Variants in TMEM202 observed in about 807,000 individuals in gnomAD.
TMEM202 encodes the protein transmembrane protein 202.
Under a neutral mutation model 26.1 loss-of-function variants are expected in TMEM202, and 25 were observed. The observed-to-expected ratio is 0.96, with a 90% confidence interval of 0.70 to 1.34. The LOEUF (loss-of-function observed/expected upper bound fraction) is 1.34, where lower values mean the gene tolerates loss of function less well. Ranked by LOEUF, TMEM202 falls within the 40% of genes most tolerant of loss-of-function variation. TMEM202 has a pLI of 0.00. For missense variants in TMEM202, 301 were observed against 327.7 expected, an observed-to-expected ratio of 0.92 and a Z score of 0.63; for synonymous variants, 122 against 119.0, an observed-to-expected ratio of 1.02 and a Z score of -0.16.
intron 4 of TMEM202, 60 bp from the exon 5 acceptor site, chr15:72,407,631 T>C: frequency 6.5e-7 from 1 of 1,527,440 alleles, no homozygotes; most frequent in Non-Finnish European, 9.1e-7. Context: ...GCATAAGAAT[T>C]TTAAAAGCCA....
chr15:72,402,913 AC>A (rs1415962838), intron 2 of TMEM202, among the ~76,000 whole-genome samples: 1 of 151,954 alleles, frequency 6.6e-6, no homozygotes, highest in Non-Finnish European at 1.5e-5. Context: ...CCATTCCAAA[AC>A]CACCCACTTG....
At chr15:72,407,549 G>A (rs1443234254) in intron 4 of TMEM202, 142 bp from the exon 5 acceptor site, 3 of 717,056 alleles carry the variant, frequency 4.2e-6, no homozygotes, top group Non-Finnish European at 7.0e-6. Context: ...GAGCACAGGA[G>A]GGTAAAGTAA....
At position 72,407,872 on chromosome 15, in the gene TMEM202, A is replaced by T; in HGVS notation, c.801A>T (p.Pro267=). 1 of 1,613,798 alleles carries T rather than the reference A, an allele frequency of 6.2e-7. No individual in the cohort carries two copies. Reference sequence around the variant, plus strand: ...TAAGTGTGAGAGAGAAAAATTTACCAAAGTCAGGACTGTGGTGGTGATAGG... The same window carrying T: ...TAAGTGTGAGAGAGAAAAATTTACCTAAGTCAGGACTGTGGTGGTGATAGG... ...ESLSVREKNL[P]KSGLWW is the part of the protein sequence containing the mutation. Residue 267 remains proline, a synonymous_variant, in exon 5 of 5, where the codon CCA becomes CCT. Transcript: ENST00000341689.
intron 2 of TMEM202, among the ~76,000 whole-genome samples, chr15:72,405,525 G>A (rs149663895): frequency 2.0e-5 from 3 of 152,280 alleles, no homozygotes; most frequent in Middle Eastern, 3.4e-3. Flanking sequence ...GACACCTAGA[G>A]CCAAAGATGG....
chr15:72,406,995 A>G (rs917793269), intron 3 of TMEM202, 91 bp from the exon 4 acceptor site: 36 of 1,511,494 alleles, frequency 2.4e-5, no homozygotes, highest in Non-Finnish European at 3.1e-5. Context: ...CTCGCTATAC[A>G]TATGGCCTCT....
chr15:72,406,552 A>C (rs771195769), intron 2 of TMEM202, 50 bp from the exon 3 acceptor site: 1 of 1,532,076 alleles, frequency 6.5e-7, no homozygotes, highest in Non-Finnish European at 8.9e-7. Flanking sequence ...TTTTAAGGGA[A>C]GGTCCCTCAC....
In TMEM202 at chr15:72,398,703, G is replaced by A. The variant is rs1451341002; in HGVS notation, c.132G>A (p.Arg44=). ...CAAGTGCCTCGATGTCATGCCAAAGGCAGCAGCAGCTTATGGATCAGGCAC... is the reference window on the plus strand; with the variant it reads ...CAAGTGCCTCGATGTCATGCCAAAGACAGCAGCAGCTTATGGATCAGGCAC... ...KHPSASMSCQ[R]QQQLMDQAHI... is the part of the protein sequence containing the mutation. The change falls in exon 2 of 5, where the codon AGG becomes AGA. Residue 44 remains arginine (R), a synonymous_variant. Coordinates refer to ENST00000341689, the MANE Select transcript of TMEM202 (RefSeq NM_001080462.3). The A allele has an allele frequency of 6.2e-7, 1 of 1,614,148 alleles. No homozygotes were observed. Among genetic ancestry groups the A allele is most frequent in the African/African-American group, 1.3e-5 (1 of 75,036 alleles).
chr15:72,406,948 C>T (rs2063574770), intron 3 of TMEM202, 138 bp from the exon 4 acceptor site: 2 of 1,277,658 alleles, frequency 1.6e-6, no homozygotes, highest in Admixed American at 2.4e-5. Context: ...GCCTTTCTCT[C>T]ATCTTGGTCA....
intron 2 of TMEM202, among the ~76,000 whole-genome samples, chr15:72,400,954 G>C (rs1298402304): frequency 1.3e-5 from 2 of 152,150 alleles, no homozygotes; most frequent in Non-Finnish European, 2.9e-5. Flanking sequence ...GACCATATAG[G>C]GTAAATTCCT....
In TMEM202 at chr15:72,408,128, A is replaced by G. The variant is rs2063582486; in HGVS notation, c.*235A>G. 2.1e-6 allele frequency: 1 copy of G among 468,334 alleles called. No individual in the cohort carries two copies. The highest frequency in any genetic ancestry group is 3.8e-6 in the Non-Finnish European group (1 of 260,844). 29.0% of individuals were successfully genotyped at this position (468,334 alleles called of 1,614,324 possible). On this transcript the variant is annotated 3_prime_UTR_variant, in exon 5 of 5. Transcript: ENST00000341689. ...AAAGAAAACAACAATGTTTAGAGTC[A>G]TGAATGAAAGAAACTAGTGAAAGAT...
At position 72,400,975 on chromosome 15, in the gene TMEM202, T is replaced by C. The variant is rs551069244; in HGVS notation, c.337+2067T>C. Among the ~76,000 whole-genome samples, 9 of 152,334 alleles carry C rather than the reference T, an allele frequency of 5.9e-5. No individual in the cohort carries two copies. The South Asian group carries it at 1.9e-3, about 32-fold the overall frequency. On this transcript the variant is annotated intron_variant, in intron 2 of 4. Coordinates refer to ENST00000341689, the MANE Select transcript of TMEM202 (RefSeq NM_001080462.3). Reference sequence around the variant, plus strand: ...ATAGGGTAAATTCCTGACATTGCCATGGCATTTGTTAACTGTCATGGCACT... The same window carrying C: ...ATAGGGTAAATTCCTGACATTGCCACGGCATTTGTTAACTGTCATGGCACT...
chr15:72,407,917 T>A lies in TMEM202; in HGVS notation c.*24T>A, dbSNP rs758119291. The stretch of plus-strand genomic sequence containing the variant: ...GATAGGAAAACCTAACTATAGCTTG[T>A]CTTAAAAGCAGGGGAGAAGCTGAGT... On this transcript the variant is annotated 3_prime_UTR_variant, in exon 5 of 5. Coordinates refer to ENST00000341689, the MANE Select transcript of TMEM202 (RefSeq NM_001080462.3). 1.3e-6 allele frequency: 2 copies of A among 1,599,854 alleles called. No homozygotes were observed. Among genetic ancestry groups the A allele is most frequent in the Admixed American group, 3.4e-5 (2 of 59,696 alleles).
Position 72,407,891 on chromosome 15 carries a change from T to C in TMEM202, c.820T>C (p.Ter274ArgextTer1). 2 of 1,612,412 alleles carry C rather than the reference T, an allele frequency of 1.2e-6. No individual in the cohort carries two copies. The highest frequency in any genetic ancestry group is 1.7e-6 in the Non-Finnish European group (2 of 1,179,326). ...KNLPKSGLWW* is the reference protein window; with the variant it reads ...KNLPKSGLWWR Reference sequence around the variant, plus strand: ...TTTACCAAAGTCAGGACTGTGGTGGTGATAGGAAAACCTAACTATAGCTTG... The same window carrying C: ...TTTACCAAAGTCAGGACTGTGGTGGCGATAGGAAAACCTAACTATAGCTTG... The change falls in exon 5 of 5, where the codon TGA (stop) becomes CGA (arginine). Residue 274 changes from the stop codon to arginine (R), a stop_lost. Coordinates refer to ENST00000341689, the MANE Select transcript of TMEM202 (RefSeq NM_001080462.3).
Position 72,408,166 on chromosome 15 carries a change from C to A in TMEM202, c.*273C>A. On this transcript the variant is annotated 3_prime_UTR_variant, in exon 5 of 5. Transcript: ENST00000341689. The stretch of plus-strand genomic sequence containing the variant: ...ACTAGTGAAAGATGCAGTGTGTAGA[C>A]CAGAGACCTCTTTGGGTATCAGGGA... 1 of 346,696 alleles carries A rather than the reference C, an allele frequency of 2.9e-6. No homozygotes were observed. 21.5% of individuals were successfully genotyped at this position (346,696 alleles called of 1,614,324 possible). A position where few individuals can be genotyped will look rare whatever the true frequency, so the allele number is the denominator to read the frequency against.
In TMEM202 at chr15:72,406,696, A is replaced by G; in HGVS notation, c.432A>G (p.Arg144=). 6.2e-7 allele frequency: 1 copy of G among 1,614,142 alleles called. No individual in the cohort carries two copies. Among genetic ancestry groups the G allele is most frequent in the Non-Finnish European group, 8.5e-7 (1 of 1,180,000 alleles). ...TCTTCAGCTCTTGGATCCTTAATCGAGGAAGCATGACCACCAACTTGGATC... is the reference window on the plus strand; with the variant it reads ...TCTTCAGCTCTTGGATCCTTAATCGGGGAAGCATGACCACCAACTTGGATC... The part of the protein sequence containing the change: ...GWLFSSWILN[R]GSMTTNLDLK... The change falls in exon 3 of 5, where the codon CGA becomes CGG. Residue 144 remains arginine (R), a synonymous_variant. Transcript: ENST00000341689.
At chr15:72,402,107 A>C (rs2140356869) in intron 2 of TMEM202, among the ~76,000 whole-genome samples, 1 of 152,202 alleles carries the variant, frequency 6.6e-6, no homozygotes, top group South Asian at 2.1e-4. Context: ...CTGGGATTAC[A>C]GGTGTGCGCC....
In TMEM202 at chr15:72,398,391, A is replaced by G; in HGVS notation, c.65A>G (p.Asn22Ser). The G allele has an allele frequency of 6.2e-7, 1 of 1,611,230 alleles. No individual in the cohort carries two copies. Among genetic ancestry groups the G allele is most frequent in the East Asian group, 2.2e-5 (1 of 44,846 alleles). Reference sequence around the variant, plus strand: ...CCTGAGGTTCCCAAAATAAAGGGGAACCGGAAATACCAAAGGGTGAGGAGG... The same window carrying G: ...CCTGAGGTTCCCAAAATAAAGGGGAGCCGGAAATACCAAAGGGTGAGGAGG... ...HSPEVPKIKG[N>S]RKYQRPTVPA... The change falls in exon 1 of 5, where the codon AAC becomes AGC. Residue 22 changes from asparagine (N) to serine (S), a missense_variant. Coordinates refer to ENST00000341689, the MANE Select transcript of TMEM202 (RefSeq NM_001080462.3).
intron 2 of TMEM202, among the ~76,000 whole-genome samples, chr15:72,401,606 T>C (rs2063548093): frequency 6.6e-6 from 1 of 152,160 alleles, no homozygotes. Flanking sequence ...GTGAATAGTT[T>C]ATTTCTTGGA....
intron 4 of TMEM202, 129 bp downstream of exon 4, chr15:72,407,346 G>T: frequency 1.8e-6 from 2 of 1,137,082 alleles, no homozygotes; most frequent in Non-Finnish European, 2.5e-6. Context: ...GGAGAGTCAG[G>T]GGGGCATAAT....
Sources: gnomAD v4.1 joint callset for allele counts (sites outside exome capture counted in the v4.1 genomes callset) on GRCh38, gnomAD v4.1.1 for gene constraint, MANE v1.5 for transcripts, NCBI Gene and HGNC (gene_info 2026-07-23, HGNC 2026-07-21) for gene names.